PRDM16: variants seen among roughly 807,000 people sequenced by gnomAD.
The protein encoded by PRDM16 is PR/SET domain 16.
PRDM16 carries 23 observed loss-of-function variants against 110.6 expected under a neutral mutation model. That is an observed-to-expected ratio of 0.21 (90% CI 0.15 to 0.29). PRDM16 has a LOEUF of 0.29. Ranked by LOEUF, PRDM16 falls within the 10% of genes least tolerant of loss-of-function variation. The probability of loss-of-function intolerance (pLI) is 1.00; values close to 1 mark genes in which losing one functional copy is unlikely to be tolerated. For synonymous variants in PRDM16, 799 were observed against 781.8 expected, an observed-to-expected ratio of 1.02 and a Z score of -0.37; for missense variants, 1,615 against 1,794.3, an observed-to-expected ratio of 0.90 and a Z score of 1.81.
At chr1:3,331,216 GA>G (rs1284168919) in intron 3 of PRDM16, among the ~76,000 whole-genome samples, 1 of 152,140 alleles carries the variant, frequency 6.6e-6, no homozygotes, top group Non-Finnish European at 1.5e-5. Context: ...TTGCAGGGGG[GA>G]AGCTGCGCAA....
At chr1:3,282,995 T>G (rs530864840) in intron 3 of PRDM16, among the ~76,000 whole-genome samples, 2 of 152,220 alleles carry the variant, frequency 1.3e-5, no homozygotes, top group Non-Finnish European at 2.9e-5. Flanking sequence ...CATCTTTCAG[T>G]GCAGAGTCAA....
intron 3 of PRDM16, among the ~76,000 whole-genome samples, chr1:3,380,114 CGTGCACCCTCTCCTAACATGCCCCTCCCG>C (rs1420272516): frequency 2.0e-3 from 303 of 150,732 alleles, no homozygotes; most frequent in African/African-American, 6.8e-3. Flanking sequence ...ATCCCCTCCC[CGTGCACCCTCTCCTAACATGCCCCTCCCG>C]GTGCATGCCC....
chr1:3,433,848 G>A lies in PRDM16; in HGVS notation c.*37G>A, dbSNP rs760590507. 6.2e-7 allele frequency: 1 copy of A among 1,607,298 alleles called. No homozygotes were observed. Among genetic ancestry groups the A allele is most frequent in the Non-Finnish European group, 8.5e-7 (1 of 1,178,190 alleles). The stretch of plus-strand genomic sequence containing the variant: ...GCCGGGGGCCGGTGGCCAGAGCGAG[G>A]GCACCAGCCACGAAGGACGGAGGCG... On this transcript the variant is annotated 3_prime_UTR_variant, in exon 17 of 17. Coordinates refer to ENST00000270722, the MANE Select transcript of PRDM16 (RefSeq NM_022114.4).
intron 1 of PRDM16, among the ~76,000 whole-genome samples, chr1:3,185,863 G>A (rs369814545): frequency 6.6e-6 from 1 of 152,300 alleles, no homozygotes; most frequent in South Asian, 2.1e-4. Flanking sequence ...AGGGTGTGTC[G>A]GGCTGTGCCA....
chr1:3,146,549 T>G (rs1357285914), intron 1 of PRDM16, among the ~76,000 whole-genome samples: 1 of 140,118 alleles, frequency 7.1e-6, no homozygotes, highest in African/African-American at 2.7e-5. Flanking sequence ...GTGTGTTCGG[T>G]GTGGGGTGTG....
chr1:3,405,491 C>T lies in PRDM16; in HGVS notation c.1033-4C>T. On this transcript the variant is annotated splice_region_variant and splice_polypyrimidine_tract_variant and intron_variant, in intron 7 of 16. Transcript: ENST00000270722. ...GCACGCGCCAACGGCATCCGTCTCCCCAGGTGTTCACGGACCCCAGCAACC... is the reference window on the plus strand; with the variant it reads ...GCACGCGCCAACGGCATCCGTCTCCTCAGGTGTTCACGGACCCCAGCAACC... 1 of 1,577,408 alleles carries T rather than the reference C, an allele frequency of 6.3e-7. No homozygotes were observed. Among genetic ancestry groups the T allele is most frequent in the African/African-American group, 1.4e-5 (1 of 73,784 alleles).
At chr1:3,269,751 G>T (rs935895794) in intron 3 of PRDM16, among the ~76,000 whole-genome samples, 3 of 149,638 alleles carry the variant, frequency 2.0e-5, no homozygotes, top group Non-Finnish European at 4.5e-5. Flanking sequence ...GTCAGGAGGA[G>T]CATAGTCCTG....
At chr1:3,310,366 G>A (rs561941172) in intron 3 of PRDM16, among the ~76,000 whole-genome samples, 2 of 152,104 alleles carry the variant, frequency 1.3e-5, no homozygotes, top group Admixed American at 1.3e-4. Flanking sequence ...CCCGGTCACC[G>A]CCCCTGAAGC....
Position 3,304,994 on chromosome 1 carries a change from T to C in PRDM16, c.438+60857T>C, listed in dbSNP as rs1641282409. On this transcript the variant is annotated intron_variant, in intron 3 of 16. Transcript: ENST00000270722. ...GCTGAAGCTGGACAGTGCTCTGCCC[T>C]CCTGTGCACTTCTGACCAATCGAGT... is the stretch of plus-strand genomic sequence containing the variant. Among the ~76,000 whole-genome samples the C allele has an allele frequency of 2.6e-5, 4 of 152,168 alleles. No individual in the cohort carries two copies. The South Asian group carries it at 8.3e-4, about 31-fold the overall frequency.
intron 1 of PRDM16, among the ~76,000 whole-genome samples, chr1:3,086,999 C>G (rs996896624): frequency 6.6e-6 from 1 of 152,152 alleles, no homozygotes; most frequent in Non-Finnish European, 1.5e-5. Context: ...AAACAGAAAG[C>G]CTGAAGTCCA....
chr1:3,088,800 T>C (rs1354437479), intron 1 of PRDM16, among the ~76,000 whole-genome samples: 2 of 150,272 alleles, frequency 1.3e-5, no homozygotes, highest in East Asian at 3.9e-4. Flanking sequence ...ATTTATTTAT[T>C]TTTTGGAGAT....
chr1:3,139,422 G>A (rs1411849793), intron 1 of PRDM16, among the ~76,000 whole-genome samples: 3 of 152,258 alleles, frequency 2.0e-5, no homozygotes. Context: ...ATTGATAGCA[G>A]GCGACTTGCT....
chr1:3,195,190 G>C (rs1396907942), intron 2 of PRDM16, among the ~76,000 whole-genome samples: 1 of 152,188 alleles, frequency 6.6e-6, no homozygotes, highest in African/African-American at 2.4e-5. Context: ...GAAACCCATG[G>C]GCCTCGGCGT....
At chr1:3,421,075 G>T (rs896397046) in intron 12 of PRDM16, among the ~76,000 whole-genome samples, 1 of 152,240 alleles carries the variant, frequency 6.6e-6, no homozygotes, top group Non-Finnish European at 1.5e-5. Context: ...TTCCATCGGG[G>T]GCTGCACGCG....
chr1:3,240,042 G>C (rs1027348808), intron 2 of PRDM16, among the ~76,000 whole-genome samples: 1 of 99,654 alleles, frequency 1.0e-5, no homozygotes, highest in Non-Finnish European at 2.0e-5. Context: ...GAGGAGAAGA[G>C]GAGAGGAGAG....
chr1:3,338,129 C>A (rs1642199908), intron 3 of PRDM16, among the ~76,000 whole-genome samples: 1 of 152,270 alleles, frequency 6.6e-6, no homozygotes, highest in African/African-American at 2.4e-5. Context: ...CTAGCCTCAG[C>A]TGTCATTTAT....
rs529647877 is a variant in PRDM16 at position 3,402,976 on chromosome 1, C to G, written c.862C>G (p.Arg288Gly). 2.5e-6 allele frequency: 4 copies of G among 1,611,712 alleles called. No homozygotes were observed. Among genetic ancestry groups the G allele is most frequent in the Non-Finnish European group, 3.4e-6 (4 of 1,179,340 alleles). Residue 288 changes from arginine to glycine, a missense_variant, in exon 6 of 17, where the codon CGG (arginine) becomes GGG (glycine). This residue lies in a region of PRDM16 where 416 missense variants were observed against 467.1 expected (regional missense o/e 0.89). Transcript: ENST00000270722. ...GQAHECKDCE[R>G]MFPNKYSLEQ... ...AGCCCACGAGTGCAAGGACTGCGAG[C>G]GGATGTTCCCCAACAAGTACAGGTG... is the stretch of plus-strand genomic sequence containing the variant.
chr1:3,319,772 A>G (rs548283030), intron 3 of PRDM16, among the ~76,000 whole-genome samples: 3 of 152,192 alleles, frequency 2.0e-5, no homozygotes, highest in African/African-American at 4.8e-5. Context: ...AGCCACCCAC[A>G]CAGCCCTGGA....
At chr1:3,160,915 C>T (rs528583101) in intron 1 of PRDM16, among the ~76,000 whole-genome samples, 54 of 152,344 alleles carry the variant, frequency 3.5e-4, no homozygotes, top group African/African-American at 1.2e-3. Flanking sequence ...AGCTGTTTTT[C>T]GGGCAGGATG....
Sources: allele counts gnomAD v4.1 joint callset (sites outside exome capture counted in the v4.1 genomes callset), GRCh38; gene constraint gnomAD v4.1.1; regional missense constraint gnomAD v4.1.1; transcripts MANE v1.5; gene names NCBI Gene and HGNC (gene_info 2026-07-23, HGNC 2026-07-21).